TENM3: variants seen among roughly 807,000 people sequenced by gnomAD.
TENM3 encodes teneurin transmembrane protein 3, also known as teneurin-3.
Under a neutral mutation model 255.1 loss-of-function variants are expected in TENM3, and 63 were observed. That is an observed-to-expected ratio of 0.25 (90% CI 0.20 to 0.30). The LOEUF (loss-of-function observed/expected upper bound fraction) is 0.30. Ranked by LOEUF, TENM3 falls within the 10% of genes least tolerant of loss-of-function variation. The pLI, the probability that TENM3 is intolerant of heterozygous loss-of-function variation, is 1.00. For synonymous variants in TENM3, 1,306 were observed against 1,322.3 expected (o/e 0.99, Z 0.27); for missense variants, 2,929 against 3,461.1 (o/e 0.85, Z 3.86).
chr4:181,722,902 G>C, the TENM3 span, among the ~76,000 whole-genome samples: 2 of 152,116 alleles, frequency 1.3e-5, no homozygotes, highest in Non-Finnish European at 2.9e-5. Context: ...AGGACTCATT[G>C]TGTGTAGGGG....
chr4:182,028,529 C>T, the TENM3 span, among the ~76,000 whole-genome samples: 1 of 152,082 alleles, frequency 6.6e-6, no homozygotes, highest in Non-Finnish European at 1.5e-5. Context: ...CATTAAGATG[C>T]ATCACTGGGT....
chr4:182,030,474 G>A, the TENM3 span, among the ~76,000 whole-genome samples: 1 of 152,240 alleles, frequency 6.6e-6, no homozygotes, highest in African/African-American at 2.4e-5. Flanking sequence ...TCTTTATCCA[G>A]TCTATCATTG....
chr4:182,025,186 G>A, the TENM3 span, among the ~76,000 whole-genome samples: 2 of 151,954 alleles, frequency 1.3e-5, no homozygotes, highest in Non-Finnish European at 1.5e-5. Context: ...CCACCACCAC[G>A]CCCGGCTAAT....
At chr4:181,656,124 C>T in the TENM3 span, among the ~76,000 whole-genome samples, 11 of 152,198 alleles carry the variant, frequency 7.2e-5, no homozygotes, top group Non-Finnish European at 1.2e-4. Flanking sequence ...GTCATTGTAA[C>T]GGCGAGCCTT....
the TENM3 span, among the ~76,000 whole-genome samples, chr4:181,462,634 A>T: frequency 2.0e-5 from 3 of 152,208 alleles, no homozygotes; most frequent in Non-Finnish European, 4.4e-5. Context: ...TTGTCCCCAG[A>T]AGTAGAATTT....
chr4:182,606,414 C>T (rs1748433265), intron 4 of TENM3, among the ~76,000 whole-genome samples: 1 of 150,198 alleles, frequency 6.7e-6, no homozygotes, highest in African/African-American at 2.5e-5. Flanking sequence ...ATCTCAGCTA[C>T]TTGGCAGGCT....
At position 182,606,921 on chromosome 4, in the gene TENM3, A is replaced by G. The variant is rs553462434; in HGVS notation, c.749+5760A>G. On this transcript the variant is annotated intron_variant, in intron 4 of 27. Transcript: ENST00000511685. Reference sequence around the variant, plus strand: ...TTAAAACCTGGTGGATATAGTAGGGATACAAATCACAGTTTAGCGTCATGA... The same window carrying G: ...TTAAAACCTGGTGGATATAGTAGGGGTACAAATCACAGTTTAGCGTCATGA... 2.1e-4 allele frequency among the ~76,000 whole-genome samples: 32 copies of G among 152,342 alleles called. No individual in the cohort carries two copies. The East Asian group carries it at 6.2e-3, about 29-fold the overall frequency.
chr4:182,189,538 A>G (rs1753378997), intron 1 of TENM3, among the ~76,000 whole-genome samples: 1 of 152,180 alleles, frequency 6.6e-6, no homozygotes. Context: ...ACCTTGAGAC[A>G]AGAAGACTGA....
rs185296710 is a variant in TENM3 at position 182,604,983 on chromosome 4, T to C, written c.749+3822T>C. On this transcript the variant is annotated intron_variant, in intron 4 of 27. Coordinates refer to ENST00000511685, the MANE Select transcript of TENM3 (RefSeq NM_001080477.4). ...ACAGAATACCTAAACAGAGATATTG[T>C]TTACTAAACTAAGATATGATACTTT... Among the ~76,000 whole-genome samples, 337 of 152,330 alleles carry C rather than the reference T, an allele frequency of 2.2e-3. 1 individual carries two copies. Among genetic ancestry groups the C allele is most frequent in the Non-Finnish European group, 3.6e-3 (247 of 68,030 alleles).
intron 1 of TENM3, among the ~76,000 whole-genome samples, chr4:182,270,133 T>C (rs1053204216): frequency 6.6e-6 from 1 of 152,158 alleles, no homozygotes. Flanking sequence ...GTTCTTGTTA[T>C]GTAGACGAAG....
intron 3 of TENM3, among the ~76,000 whole-genome samples, chr4:182,374,034 GTA>G (rs58538968): frequency 0.056 from 8,480 of 150,366 alleles, 417 homozygotes; most frequent in African/African-American, 0.13. Context: ...AGTGTGTATA[GTA>G]TATATATATA....
At chr4:182,525,553 A>G (rs1739071300) in intron 3 of TENM3, among the ~76,000 whole-genome samples, 1 of 152,262 alleles carries the variant, frequency 6.6e-6, no homozygotes, top group African/African-American at 2.4e-5. Context: ...TGATGAAGCA[A>G]AGCACATGTA....
the TENM3 span, among the ~76,000 whole-genome samples, chr4:181,521,312 C>T: frequency 6.6e-6 from 1 of 152,176 alleles, no homozygotes; most frequent in Non-Finnish European, 1.5e-5. Context: ...ATGAGCTGCT[C>T]TGAGCAAAAA....
the TENM3 span, among the ~76,000 whole-genome samples, chr4:181,798,255 T>G: frequency 6.6e-6 from 1 of 152,136 alleles, no homozygotes; most frequent in African/African-American, 2.4e-5. Flanking sequence ...TCTTGGGTCA[T>G]ACAAGTTGGA....
chr4:182,084,246 A>G, the TENM3 span, among the ~76,000 whole-genome samples: 1 of 152,180 alleles, frequency 6.6e-6, no homozygotes. Flanking sequence ...ATTAATTCTC[A>G]TATGAAATGA....
At chr4:181,641,698 A>AATAT in the TENM3 span, among the ~76,000 whole-genome samples, 203 of 63,808 alleles carry the variant, frequency 3.2e-3, 2 homozygotes, top group Admixed American at 6.2e-3. Flanking sequence ...TATAATGTAT[A>AATAT]ATATATATAT....
At chr4:182,051,919 G>C in the TENM3 span, among the ~76,000 whole-genome samples, 1 of 152,106 alleles carries the variant, frequency 6.6e-6, no homozygotes, top group Admixed American at 6.5e-5. Flanking sequence ...TGTTGTTCTA[G>C]TTTATCTGTA....
chr4:182,628,581 G>A (rs1422681915), intron 4 of TENM3, 70 bp from the exon 5 acceptor site: 1 of 975,226 alleles, frequency 1.0e-6, no homozygotes. Flanking sequence ...AGAGCTAAAT[G>A]CATCGCTGTC....
At chr4:182,147,273 A>G (rs1304021073) in intron 1 of TENM3, among the ~76,000 whole-genome samples, 1 of 152,154 alleles carries the variant, frequency 6.6e-6, no homozygotes, top group East Asian at 1.9e-4. Context: ...TCGGTGTACA[A>G]AAAATGATGT....
Sources: gnomAD v4.1 joint callset for allele counts (sites outside exome capture counted in the v4.1 genomes callset) on GRCh38, gnomAD v4.1.1 for gene constraint, MANE v1.5 for transcripts, NCBI Gene and HGNC (gene_info 2026-07-23, HGNC 2026-07-21) for gene names.